Variants in GRB2 observed in about 807,000 individuals in gnomAD.
The protein encoded by GRB2 is growth factor receptor bound protein 2, also known as growth factor receptor-bound protein 2.
GRB2 carries 2 observed loss-of-function variants against 27.4 expected under a neutral mutation model. The ratio of observed to expected loss-of-function variants is 0.07; its 90% CI spans 0.03 to 0.23. The LOEUF (loss-of-function observed/expected upper bound fraction) is 0.23. GRB2 is among the 10% of genes least tolerant of loss of function. GRB2 has a pLI of 1.00. For synonymous variants in GRB2, 94 were observed against 99.6 expected (o/e 0.94, Z 0.33); for missense variants, 102 against 282.4 (o/e 0.36, Z 4.58).
intron 2 of GRB2, among the ~76,000 whole-genome samples, chr17:75,349,403 G>A (rs2078674733): frequency 6.6e-6 from 1 of 152,058 alleles, no homozygotes; most frequent in Non-Finnish European, 1.5e-5. Flanking sequence ...AGCCTGCTAA[G>A]GCTGTAAAAC....
intron 2 of GRB2, among the ~76,000 whole-genome samples, chr17:75,369,660 G>A: frequency 6.8e-6 from 1 of 146,140 alleles, no homozygotes; most frequent in South Asian, 2.2e-4. Context: ...TTCAAGACCA[G>A]TCTGGGCAAC....
At chr17:75,324,564 C>A (rs1337363272) in intron 4 of GRB2, among the ~76,000 whole-genome samples, 1 of 124,406 alleles carries the variant, frequency 8.0e-6, no homozygotes, top group Non-Finnish European at 1.6e-5. Context: ...TTCGCCCAGG[C>A]TAAAGTGCAA....
At position 75,350,235 on chromosome 17, in the gene GRB2, G is replaced by GA. The variant is rs35602764; in HGVS notation, c.79-17439dup. ...TATAGCAAGATCTCATCTCTGAGGG[G>GA]AAAAAAAAAAAAAAAAAGACTGAGT... On this transcript the variant is annotated intron_variant, in intron 2 of 5. Transcript: ENST00000316804. 3.8e-3 allele frequency among the ~76,000 whole-genome samples: 495 copies of GA among 130,944 alleles called. 11 individuals are homozygous for GA. Among genetic ancestry groups the GA allele is most frequent in the African/African-American group, 0.011 (391 of 34,430 alleles). The allele number at this position is 130,944 out of a possible 152,430, so 85.9% of individuals were successfully genotyped here. A position where few individuals can be genotyped will look rare whatever the true frequency, so the allele number is the denominator to read the frequency against.
intron 2 of GRB2, among the ~76,000 whole-genome samples, chr17:75,333,872 A>G (rs546872062): frequency 6.6e-6 from 1 of 152,192 alleles, no homozygotes; most frequent in Non-Finnish European, 1.5e-5. Flanking sequence ...AACAAGATCA[A>G]TGGTCAACCC....
chr17:75,324,545 G>A (rs1169252382), intron 4 of GRB2, among the ~76,000 whole-genome samples: 1 of 95,566 alleles, frequency 1.0e-5, no homozygotes, highest in African/African-American at 4.1e-5. Flanking sequence ...TGGAGACAGA[G>A]TTTTGCTCTT....
In GRB2 at chr17:75,326,031, A is replaced by G; in HGVS notation, c.177-11T>C. ...TTGCCAAAAAACCACCTAAGGAAGG[A>G]AGGCAAGCTGGTCAACATCTGCTTC... On this transcript the variant is annotated splice_polypyrimidine_tract_variant and intron_variant, in intron 3 of 5. Transcript: ENST00000316804. The G allele has an allele frequency of 6.2e-7, 1 of 1,614,048 alleles. No homozygotes were observed.
At chr17:75,382,149 G>A (rs2078933020) in intron 2 of GRB2, among the ~76,000 whole-genome samples, 1 of 151,932 alleles carries the variant, frequency 6.6e-6, no homozygotes, top group Non-Finnish European at 1.5e-5. Context: ...CTTGAACTCG[G>A]GAGGCAGAGG....
intron 1 of GRB2, among the ~76,000 whole-genome samples, chr17:75,396,929 T>C (rs1410135612): frequency 6.6e-6 from 1 of 152,228 alleles, no homozygotes; most frequent in Non-Finnish European, 1.5e-5. Flanking sequence ...CATAAGCTTC[T>C]GTGTCATTCA....
At chr17:75,397,587 A>C (rs993495071) in intron 1 of GRB2, among the ~76,000 whole-genome samples, 1 of 152,174 alleles carries the variant, frequency 6.6e-6, no homozygotes, top group African/African-American at 2.4e-5. Context: ...AAAATAAAAT[A>C]CATGACAACA....
intron 2 of GRB2, among the ~76,000 whole-genome samples, chr17:75,334,263 C>T (rs1015624313): frequency 3.3e-5 from 5 of 152,040 alleles, no homozygotes; most frequent in African/African-American, 4.8e-5. Context: ...CTCTGCCTCC[C>T]GGGTTCACGC....
intron 2 of GRB2, among the ~76,000 whole-genome samples, chr17:75,387,265 C>G (rs1357193435): frequency 1.3e-5 from 2 of 151,880 alleles, no homozygotes; most frequent in African/African-American, 4.8e-5. Flanking sequence ...CGAGACTAAC[C>G]TGGCCAACAT....
Position 75,397,816 on chromosome 17 carries a change from AATTTATTTATTTATTT to A in GRB2, c.-137-4067_-137-4052del, listed in dbSNP as rs57166874. On this transcript the variant is annotated intron_variant, in intron 1 of 5. Coordinates refer to ENST00000316804, the MANE Select transcript of GRB2 (RefSeq NM_002086.5). ...AGCCCGACATGTAATAATCACTCAA[AATTTATTTATTTATTT>A]ATTTATTTATTTATTTATTTATTTT... is the stretch of plus-strand genomic sequence containing the variant. Among the ~76,000 whole-genome samples the A allele has an allele frequency of 8.6e-4, 127 of 147,920 alleles. 2 individuals carry two copies. The East Asian group carries it at 0.021, about 25-fold the overall frequency.
chr17:75,341,439 G>C (rs1456052322), intron 2 of GRB2, among the ~76,000 whole-genome samples: 2 of 108,086 alleles, frequency 1.9e-5, no homozygotes, highest in Non-Finnish European at 3.9e-5. Flanking sequence ...GTGACAGAGT[G>C]ACTCCATTAA....
intron 4 of GRB2, among the ~76,000 whole-genome samples, chr17:75,325,695 CTG>C (rs2078494563): frequency 6.6e-6 from 1 of 152,228 alleles, no homozygotes; most frequent in Admixed American, 6.5e-5. Context: ...CTCCTGAAGG[CTG>C]TGTCCACATG....
intron 2 of GRB2, among the ~76,000 whole-genome samples, chr17:75,354,867 G>C (rs1051214011): frequency 1.3e-5 from 2 of 152,232 alleles, no homozygotes; most frequent in Non-Finnish European, 1.5e-5. Flanking sequence ...CAGCCATAGT[G>C]AATAAAAACA....
chr17:75,337,898 C>CTATTATTATTAT (rs1187281414), intron 2 of GRB2, among the ~76,000 whole-genome samples: 64 of 133,544 alleles, frequency 4.8e-4, no homozygotes, highest in African/African-American at 1.1e-3. Flanking sequence ...ACTACTACTA[C>CTATTATTATTAT]TACTATTATT....
At chr17:75,377,293 C>A (rs1469830971) in intron 2 of GRB2, among the ~76,000 whole-genome samples, 1 of 152,076 alleles carries the variant, frequency 6.6e-6, no homozygotes, top group Non-Finnish European at 1.5e-5. Context: ...CGTACTCCAG[C>A]CTGGGGTGAC....
At chr17:75,359,331 A>G (rs1380691748) in intron 2 of GRB2, among the ~76,000 whole-genome samples, 2 of 150,804 alleles carry the variant, frequency 1.3e-5, no homozygotes, top group Admixed American at 1.3e-4. Context: ...CAAAAGTGAG[A>G]CCCATGTCTA....
At chr17:75,338,697 TG>T in intron 2 of GRB2, 1 of 422,658 alleles carries the variant, frequency 2.4e-6, no homozygotes, top group Non-Finnish European at 4.3e-6. Context: ...GGTTTTTTTT[TG>T]CAAAGAGACT....
Sources: gnomAD v4.1 joint callset for allele counts (sites outside exome capture counted in the v4.1 genomes callset) on GRCh38, gnomAD v4.1.1 for gene constraint, MANE v1.5 for transcripts, NCBI Gene and HGNC (gene_info 2026-07-23, HGNC 2026-07-21) for gene names.